Variants in ROR1 observed in about 807,000 individuals in gnomAD.
The protein encoded by ROR1 is inactive tyrosine-protein kinase transmembrane receptor ROR1.
Under a neutral mutation model 78.8 loss-of-function variants are expected in ROR1, and 19 were observed. The ratio of observed to expected loss-of-function variants is 0.24; its 90% CI spans 0.17 to 0.35. ROR1 has a LOEUF of 0.35. Ranked by LOEUF, ROR1 falls within the 10% of genes least tolerant of loss-of-function variation. The pLI is 1.00. For synonymous variants in ROR1, 386 were observed against 433.6 expected, an observed-to-expected ratio of 0.89 and a Z score of 1.36; for missense variants, 917 against 1,177.8, an observed-to-expected ratio of 0.78 and a Z score of 3.24.
intron 1 of ROR1, among the ~76,000 whole-genome samples, chr1:63,991,952 C>T (rs1010858872): frequency 2.0e-5 from 3 of 152,084 alleles, no homozygotes; most frequent in Non-Finnish European, 2.9e-5. Flanking sequence ...CATAATGTGA[C>T]GAATAGGAAA....
Position 64,034,913 on chromosome 1 carries a change from G to A in ROR1, c.164-14778G>A, listed in dbSNP as rs991705101. Among the ~76,000 whole-genome samples the A allele has an allele frequency of 3.3e-5, 5 of 151,056 alleles. No homozygotes were observed. The East Asian group carries it at 5.8e-4, about 18-fold the overall frequency. On this transcript the variant is annotated intron_variant, in intron 2 of 8. Coordinates refer to ENST00000371079, the MANE Select transcript of ROR1 (RefSeq NM_005012.4). ...CTTTATTCAGTATCATTAATCTCGA[G>A]GTAGATACCTACCTTTCCATAGACT...
intron 8 of ROR1, among the ~76,000 whole-genome samples, chr1:64,168,141 C>T (rs766907013): frequency 6.6e-6 from 1 of 152,194 alleles, no homozygotes; most frequent in African/African-American, 2.4e-5. Context: ...GCATTAAGCA[C>T]TTTATGTCCG....
chr1:63,988,872 A>T (rs1306298557), intron 1 of ROR1, among the ~76,000 whole-genome samples: 1 of 152,102 alleles, frequency 6.6e-6, no homozygotes, highest in Non-Finnish European at 1.5e-5. Context: ...CATTTTGTTT[A>T]TCCATTCATC....
intron 6 of ROR1, 120 bp downstream of exon 6, chr1:64,140,546 G>A (rs1031252264): frequency 1.1e-6 from 1 of 876,134 alleles, no homozygotes; most frequent in Non-Finnish European, 1.8e-6. Context: ...TTTTCCAATG[G>A]GCTGAGTACT....
chr1:64,165,343 G>T (rs940649307), intron 8 of ROR1, among the ~76,000 whole-genome samples: 2 of 152,084 alleles, frequency 1.3e-5, no homozygotes, highest in Non-Finnish European at 2.9e-5. Flanking sequence ...AATAATCAGT[G>T]ATGTTGAGCT....
intron 4 of ROR1, among the ~76,000 whole-genome samples, chr1:64,112,527 CAG>C (rs1250475333): frequency 2.0e-5 from 3 of 152,130 alleles, no homozygotes; most frequent in African/African-American, 7.2e-5. Flanking sequence ...AGAGCCCTAA[CAG>C]TGTCTTAATT....
At chr1:64,034,489 T>A (rs987221360) in intron 2 of ROR1, among the ~76,000 whole-genome samples, 1 of 152,150 alleles carries the variant, frequency 6.6e-6, no homozygotes, top group Non-Finnish European at 1.5e-5. Flanking sequence ...CACCTGTAAG[T>A]TTTTTAAGCA....
chr1:63,922,910 T>A (rs2100431921), intron 1 of ROR1, among the ~76,000 whole-genome samples: 1 of 152,298 alleles, frequency 6.6e-6, no homozygotes, highest in South Asian at 2.1e-4. Flanking sequence ...TTACATGGAT[T>A]AACCAGTGTT....
intron 1 of ROR1, among the ~76,000 whole-genome samples, chr1:63,853,604 A>G (rs1557528301): frequency 6.6e-6 from 1 of 152,222 alleles, no homozygotes; most frequent in Non-Finnish European, 1.5e-5. Flanking sequence ...TCTTGTATAT[A>G]GTAGAGTGAG....
At chr1:63,975,613 T>C (rs1267035923) in intron 1 of ROR1, among the ~76,000 whole-genome samples, 1 of 152,182 alleles carries the variant, frequency 6.6e-6, no homozygotes, top group African/African-American at 2.4e-5. Context: ...CTGAAATTGC[T>C]GAACACACAC....
intron 2 of ROR1, among the ~76,000 whole-genome samples, chr1:64,028,453 A>G (rs1476725232): frequency 2.0e-5 from 3 of 152,228 alleles, no homozygotes; most frequent in Non-Finnish European, 2.9e-5. Flanking sequence ...ACATCTGGCC[A>G]TGACCCACAT....
intron 7 of ROR1, among the ~76,000 whole-genome samples, chr1:64,155,018 A>G (rs1228537341): frequency 6.6e-6 from 1 of 152,166 alleles, no homozygotes; most frequent in Non-Finnish European, 1.5e-5. Context: ...ACAATTATAT[A>G]TATAATGTTT....
chr1:64,152,312 T>C (rs1649650548), intron 7 of ROR1, among the ~76,000 whole-genome samples: 1 of 152,240 alleles, frequency 6.6e-6, no homozygotes, highest in African/African-American at 2.4e-5. Flanking sequence ...ATTCTTCTCC[T>C]CTAGGTGTTT....
intron 1 of ROR1, among the ~76,000 whole-genome samples, chr1:63,846,117 AATGTG>A (rs1645078929): frequency 1.1e-5 from 1 of 91,526 alleles, no homozygotes; most frequent in Non-Finnish European, 2.4e-5. Context: ...AGAGAGAGAG[AATGTG>A]TGTGTGTGTG....
At chr1:64,091,206 G>T (rs1647194162) in intron 4 of ROR1, among the ~76,000 whole-genome samples, 1 of 152,096 alleles carries the variant, frequency 6.6e-6, no homozygotes, top group African/African-American at 2.4e-5. Flanking sequence ...AGGATGAGCT[G>T]GTGGTGTTTC....
At chr1:63,873,634 TTATC>T (rs1228552010) in intron 1 of ROR1, among the ~76,000 whole-genome samples, 7 of 152,160 alleles carry the variant, frequency 4.6e-5, no homozygotes, top group African/African-American at 1.4e-4. Context: ...AGAATATTCT[TTATC>T]TATGGAAAAT....
At chr1:63,842,532 C>T (rs778543007) in intron 1 of ROR1, among the ~76,000 whole-genome samples, 1 of 152,266 alleles carries the variant, frequency 6.6e-6, no homozygotes, top group Non-Finnish European at 1.5e-5. Flanking sequence ...ATCATTTCTT[C>T]CAAGGCTGCT....
At chr1:63,777,805 T>C (rs185508771) in intron 1 of ROR1, among the ~76,000 whole-genome samples, 87 of 152,376 alleles carry the variant, frequency 5.7e-4, no homozygotes, top group Middle Eastern at 6.8e-3. Context: ...TTGTAAGCTA[T>C]ATGTACTTTG....
At chr1:63,855,689 G>A (rs1441400452) in intron 1 of ROR1, among the ~76,000 whole-genome samples, 2 of 146,992 alleles carry the variant, frequency 1.4e-5, no homozygotes, top group African/African-American at 2.5e-5. Flanking sequence ...TTGCTCTGTT[G>A]TCAGGCTGGA....
Sources: gnomAD v4.1 joint callset for allele counts (sites outside exome capture counted in the v4.1 genomes callset) on GRCh38, gnomAD v4.1.1 for gene constraint, MANE v1.5 for transcripts, NCBI Gene and HGNC (gene_info 2026-07-23, HGNC 2026-07-21) for gene names.